Variants in FBRSL1 observed in about 807,000 individuals in gnomAD.
FBRSL1 encodes fibrosin like 1.
In FBRSL1, 51 loss-of-function variants were observed where a neutral mutation model predicts 89.6. That is an observed-to-expected ratio of 0.57 (90% CI 0.45 to 0.72). The LOEUF (loss-of-function observed/expected upper bound fraction) is 0.72. FBRSL1 is among the 30% of genes least tolerant of loss of function. The pLI, the probability that FBRSL1 is intolerant of heterozygous loss-of-function variation, is 0.00. For missense variants in FBRSL1, 1,618 were observed against 1,451.8 expected (o/e 1.11, Z -1.86); for synonymous variants, 779 against 681.1 (o/e 1.14, Z -2.24).
Position 132,523,216 on chromosome 12 carries a change from C to T in FBRSL1, c.490-2518C>T, listed in dbSNP as rs1401013582. Among the ~76,000 whole-genome samples the T allele has an allele frequency of 5.3e-5, 8 of 152,302 alleles. No homozygotes were observed. In the East Asian group the frequency reaches 9.7e-4, roughly 18 times the overall value. ...TGGTGTGGCTGGCAGCACTGAGAAG[C>T]GGCTGGGCTGAGGGCAGCCACCTTG... On this transcript the variant is annotated intron_variant, in intron 2 of 18. Coordinates refer to ENST00000680143, the MANE Select transcript of FBRSL1 (RefSeq NM_001367871.1).
At chr12:132,573,301 C>T (rs1001967650) in intron 11 of FBRSL1, among the ~76,000 whole-genome samples, 1 of 152,230 alleles carries the variant, frequency 6.6e-6, no homozygotes, top group African/African-American at 2.4e-5. Flanking sequence ...ACTCATTGCC[C>T]ACAGCTGCCC....
intron 4 of FBRSL1, among the ~76,000 whole-genome samples, chr12:132,536,590 G>A (rs2036767658): frequency 6.6e-6 from 1 of 151,792 alleles, no homozygotes; most frequent in Admixed American, 6.6e-5. Flanking sequence ...GTGTGTGAGT[G>A]CACGTGTACA....
chr12:132,521,731 C>A (rs529462147), intron 2 of FBRSL1, among the ~76,000 whole-genome samples: 1 of 152,202 alleles, frequency 6.6e-6, no homozygotes, highest in Admixed American at 6.5e-5. Flanking sequence ...TTGTGCACTG[C>A]ACCGCTCCAG....
chr12:132,499,360 G>A lies in FBRSL1; in HGVS notation c.291+8499G>A, dbSNP rs538840558. Among the ~76,000 whole-genome samples the A allele has an allele frequency of 5.3e-5, 8 of 152,186 alleles. No individual in the cohort carries two copies. The highest frequency in any genetic ancestry group is 1.0e-4 in the Non-Finnish European group (7 of 67,972). On this transcript the variant is annotated intron_variant, in intron 1 of 18. Transcript: ENST00000680143. The surrounding 1 kb of genome is among the most constrained non-coding windows in gnomAD (Gnocchi z 4.3). ...GCTGGACCTCTGGGAGAGGCCAGGTGAGCCGCTGGCCAGCAGGGAAGGGTT... is the reference window on the plus strand; with the variant it reads ...GCTGGACCTCTGGGAGAGGCCAGGTAAGCCGCTGGCCAGCAGGGAAGGGTT...
intron 2 of FBRSL1, among the ~76,000 whole-genome samples, chr12:132,518,910 C>T (rs1051550371): frequency 6.6e-6 from 1 of 151,732 alleles, no homozygotes; most frequent in Admixed American, 6.6e-5. Flanking sequence ...CCCACCCACC[C>T]GTCTGTCCAT....
chr12:132,518,394 G>C (rs1365446994), intron 2 of FBRSL1, among the ~76,000 whole-genome samples: 2 of 146,190 alleles, frequency 1.4e-5, no homozygotes, highest in African/African-American at 5.2e-5. Flanking sequence ...CCATCCACCT[G>C]TCTGTCCATC....
chr12:132,511,932 G>A (rs562343606), intron 2 of FBRSL1: 263 of 984,870 alleles, frequency 2.7e-4, no homozygotes, highest in Non-Finnish European at 3.1e-4. Context: ...AAAAAGTGCC[G>A]TGCCACTATT....
chr12:132,537,314 C>T (rs566924374), intron 4 of FBRSL1, among the ~76,000 whole-genome samples: 24 of 152,216 alleles, frequency 1.6e-4, no homozygotes, highest in East Asian at 1.4e-3. Flanking sequence ...TGAGTCGGGC[C>T]GAGCCCAGAG....
intron 6 of FBRSL1, among the ~76,000 whole-genome samples, chr12:132,568,521 C>T (rs2137826275): frequency 6.6e-6 from 1 of 152,386 alleles, no homozygotes; most frequent in Admixed American, 6.5e-5. Context: ...GCTGAATACT[C>T]AGCTCACTGC....
intron 1 of FBRSL1, among the ~76,000 whole-genome samples, chr12:132,504,678 C>T (rs941959592): frequency 3.0e-4 from 46 of 152,252 alleles, no homozygotes; most frequent in African/African-American, 1.1e-3. Context: ...TGGCCTGAGG[C>T]GGCCCTGGCT....
At chr12:132,533,605 T>C (rs1159762053) in intron 4 of FBRSL1, among the ~76,000 whole-genome samples, 1 of 152,260 alleles carries the variant, frequency 6.6e-6, no homozygotes, top group Non-Finnish European at 1.5e-5. Flanking sequence ...CCCGCACCCA[T>C]CTGCTCACCC....
intron 4 of FBRSL1, among the ~76,000 whole-genome samples, chr12:132,541,771 C>T (rs572855142): frequency 6.6e-6 from 1 of 152,394 alleles, no homozygotes; most frequent in East Asian, 1.9e-4. Context: ...GCATATCCCG[C>T]CCGAGCGTGC....
chr12:132,567,316 G>A (rs1376875205), intron 5 of FBRSL1, among the ~76,000 whole-genome samples, 165 bp from the exon 6 acceptor site: 5 of 152,226 alleles, frequency 3.3e-5, no homozygotes, highest in African/African-American at 1.2e-4. Flanking sequence ...CATGCGTGGA[G>A]CTCAGGACTA....
At chr12:132,554,222 G>A (rs1047725197) in intron 5 of FBRSL1, 5 of 152,256 alleles carry the variant, frequency 3.3e-5, no homozygotes, top group African/African-American at 1.2e-4. Flanking sequence ...GAGGACTCTG[G>A]GCAGTGGCAG....
chr12:132,538,583 C>A (rs886482576), intron 4 of FBRSL1, among the ~76,000 whole-genome samples: 1 of 152,220 alleles, frequency 6.6e-6, no homozygotes, highest in Non-Finnish European at 1.5e-5. Context: ...CCGGGAGGCA[C>A]CCTCGCAGGC....
In FBRSL1 at chr12:132,576,910, C is replaced by T. The variant is rs556990645; in HGVS notation, c.1813C>T (p.Arg605Trp). The T allele has an allele frequency of 7.3e-5, 113 of 1,550,036 alleles. No homozygotes were observed. Among genetic ancestry groups the T allele is most frequent in the East Asian group, 1.2e-4 (5 of 40,890 alleles). Residue 605 changes from arginine (R) to tryptophan (W), a missense_variant, in exon 15 of 19, where the codon CGG (arginine) becomes TGG (tryptophan). Transcript: ENST00000680143. ...CTTCCACTACCCACAGGACCTGGCC[C>T]GGCCCCTCTTCCCCAGCACAGGTGA... ...AGFHYPQDLA[R>W]PLFPSTGAAH... is the part of the protein sequence containing the mutation.
chr12:132,563,469 C>A (rs1220351715), intron 5 of FBRSL1, among the ~76,000 whole-genome samples: 1 of 151,876 alleles, frequency 6.6e-6, no homozygotes, highest in East Asian at 1.9e-4. Flanking sequence ...GTTTCTCATT[C>A]GGTTCTGTGG....
rs3221291 is a variant in FBRSL1 at position 132,578,343 on chromosome 12, T to TCACACACACACACA, written c.1834+1423_1834+1436dup. ...CTGGGCAACAGAGCAAGACCCTGTC[T>TCACACACACACACA]CACACACACACACACACACACACAA... On this transcript the variant is annotated intron_variant, in intron 15 of 18. Coordinates refer to ENST00000680143, the MANE Select transcript of FBRSL1 (RefSeq NM_001367871.1). 8.7e-3 allele frequency among the ~76,000 whole-genome samples: 1,222 copies of TCACACACACACACA among 141,094 alleles called. 11 individuals carry two copies. The highest frequency in any genetic ancestry group is 0.022 in the African/African-American group (848 of 37,990). The allele number at this position is 141,094 out of a possible 152,430, so 92.6% of individuals were successfully genotyped here.
chr12:132,504,867 C>T (rs552733781), intron 1 of FBRSL1, among the ~76,000 whole-genome samples: 3 of 152,114 alleles, frequency 2.0e-5, no homozygotes, highest in South Asian at 2.1e-4. Flanking sequence ...CGGTGGCTCA[C>T]GCCTGTAATC....
Sources: gnomAD v4.1 joint callset for allele counts (sites outside exome capture counted in the v4.1 genomes callset) on GRCh38, gnomAD v4.1.1 for gene constraint, Gnocchi (gnomAD v3.1) non-coding constraint, MANE v1.5 for transcripts, NCBI Gene and HGNC (gene_info 2026-07-23, HGNC 2026-07-21) for gene names.